Variants in ITGAV observed in about 807,000 individuals in gnomAD.
ITGAV encodes integrin subunit alpha V.
In ITGAV, 76 loss-of-function variants were observed where a neutral mutation model predicts 143.8. The observed-to-expected ratio is 0.53, with a 90% CI of 0.44 to 0.64. The LOEUF (loss-of-function observed/expected upper bound fraction) is 0.64, where lower values mean the gene tolerates loss of function less well. Ranked by LOEUF, ITGAV falls within the 30% of genes least tolerant of loss-of-function variation. The probability of loss-of-function intolerance (pLI) is 0.00; values close to 1 mark genes in which losing one functional copy is unlikely to be tolerated. For synonymous variants in ITGAV, 453 were observed against 446.7 expected (o/e 1.01, Z -0.18); for missense variants, 1,193 against 1,274.7 (o/e 0.94, Z 0.98).
chr2:186,676,011 C>T (rs954258603), intron 28 of ITGAV, 84 bp downstream of exon 28: 4 of 723,354 alleles, frequency 5.5e-6, no homozygotes, highest in East Asian at 5.3e-5. Context: ...TAAAGAACGA[C>T]AGCTTAACTT....
intron 2 of ITGAV, among the ~76,000 whole-genome samples, chr2:186,613,228 T>C (rs1439500563): frequency 1.3e-5 from 2 of 151,914 alleles, no homozygotes; most frequent in African/African-American, 2.4e-5. Context: ...TTCCTTTTCA[T>C]GGCTAGAAGG....
rs201122449 is a variant in ITGAV, at chr2:186,677,624, A to G, written c.*332A>G. 5.1e-6 allele frequency: 1 copy of G among 196,854 alleles called. No homozygotes were observed. Among genetic ancestry groups the G allele is most frequent in the Non-Finnish European group, 1.1e-5 (1 of 95,208 alleles). The allele number at this position is 196,854 out of a possible 1,614,324, so 12.2% of individuals were successfully genotyped here. ...TCCTTCAGTTACTGTTTCTGATTTAATGTACGGAACTTTATTTGTTGTTGT... is the reference window on the plus strand; with the variant it reads ...TCCTTCAGTTACTGTTTCTGATTTAGTGTACGGAACTTTATTTGTTGTTGT... On this transcript the variant is annotated 3_prime_UTR_variant, in exon 30 of 30. Transcript: ENST00000261023.
chr2:186,600,412 A>G, intron 1 of ITGAV: 2 of 1,537,750 alleles, frequency 1.3e-6, no homozygotes, highest in East Asian at 4.9e-5. Flanking sequence ...TTCTCTGTCT[A>G]CTTTATCTAA....
intron 2 of ITGAV, among the ~76,000 whole-genome samples, chr2:186,603,655 C>T (rs1686974950): frequency 6.6e-6 from 1 of 152,064 alleles, no homozygotes; most frequent in South Asian, 2.1e-4. Context: ...AAAAGGAAAC[C>T]ACAGTTTAGA....
intron 1 of ITGAV, among the ~76,000 whole-genome samples, chr2:186,591,229 G>A (rs769194768): frequency 2.0e-5 from 3 of 152,190 alleles, no homozygotes; most frequent in Non-Finnish European, 4.4e-5. Flanking sequence ...ACTCGCTGCA[G>A]GTCATTTGAA....
intron 25 of ITGAV, 36 bp from the exon 26 acceptor site, chr2:186,669,665 T>G: frequency 7.1e-7 from 1 of 1,405,428 alleles, no homozygotes; most frequent in Non-Finnish European, 1.0e-6. Flanking sequence ...TTTTTCATTA[T>G]CATTTACCAC....
At chr2:186,630,696 G>T in intron 4 of ITGAV, 101 bp from the exon 5 acceptor site, 2 of 655,306 alleles carry the variant, frequency 3.1e-6, no homozygotes, top group Middle Eastern at 3.3e-4. Flanking sequence ...CTCAAAAATT[G>T]GTACATTATC....
rs765571754 is a variant in ITGAV at position 186,602,114 on chromosome 2, T to C, written c.279T>C (p.Ser93=). 15 of 1,612,000 alleles carry C rather than the reference T, an allele frequency of 9.3e-6. No individual in the cohort carries two copies. Among genetic ancestry groups the C allele is most frequent in the Admixed American group, 3.3e-5 (2 of 59,960 alleles). ...GGQVLKCDWS[S]TRRCQPIEFD... is the part of the protein sequence containing the mutation. Reference sequence around the variant, plus strand: ...AGGTCCTCAAATGTGACTGGTCTTCTACCCGCCGGTGCCAGCCAATTGAAT... The same window carrying C: ...AGGTCCTCAAATGTGACTGGTCTTCCACCCGCCGGTGCCAGCCAATTGAAT... The change falls in exon 2 of 30, where the codon TCT becomes TCC. Residue 93 remains serine, a synonymous_variant. Coordinates refer to ENST00000261023, the MANE Select transcript of ITGAV (RefSeq NM_002210.5).
At chr2:186,616,954 A>G (rs576299452) in intron 2 of ITGAV, among the ~76,000 whole-genome samples, 4 of 152,198 alleles carry the variant, frequency 2.6e-5, no homozygotes, top group Admixed American at 2.6e-4. Flanking sequence ...TGTTTGAAGT[A>G]AAAAGCTGCT....
At chr2:186,671,375 C>T (rs761797856) in intron 26 of ITGAV, among the ~76,000 whole-genome samples, 3 of 152,094 alleles carry the variant, frequency 2.0e-5, no homozygotes, top group African/African-American at 4.8e-5. Flanking sequence ...TTTCATTGAA[C>T]AGATAGCCCC....
chr2:186,607,963 C>A (rs566287247), intron 2 of ITGAV, among the ~76,000 whole-genome samples: 1 of 152,018 alleles, frequency 6.6e-6, no homozygotes, highest in East Asian at 1.9e-4. Context: ...TGTTTTGTGG[C>A]GACTCTGGAA....
intron 17 of ITGAV, among the ~76,000 whole-genome samples, chr2:186,657,390 G>A (rs896742847): frequency 6.6e-6 from 1 of 152,066 alleles, no homozygotes; most frequent in Non-Finnish European, 1.5e-5. Context: ...ATTTCAAAAA[G>A]TAATTTTATA....
intron 12 of ITGAV, among the ~76,000 whole-genome samples, chr2:186,642,456 A>C (rs1448498673): frequency 6.6e-6 from 1 of 151,948 alleles, no homozygotes; most frequent in Non-Finnish European, 1.5e-5. Flanking sequence ...TCTTGTGGGT[A>C]GGTGCTGTCA....
At chr2:186,658,193 T>C (rs1688643407) in intron 17 of ITGAV, among the ~76,000 whole-genome samples, 1 of 152,128 alleles carries the variant, frequency 6.6e-6, no homozygotes, top group South Asian at 2.1e-4. Context: ...ACCACATGAA[T>C]AGATTAAAGA....
intron 1 of ITGAV, chr2:186,600,262 A>C (rs1469817153): frequency 2.2e-6 from 3 of 1,381,532 alleles, no homozygotes; most frequent in African/African-American, 2.9e-5. Flanking sequence ...CCTCTGCCTC[A>C]CATATTCCCT....
At chr2:186,650,542 A>C (rs527506302) in intron 14 of ITGAV, among the ~76,000 whole-genome samples, 11 of 151,464 alleles carry the variant, frequency 7.3e-5, no homozygotes, top group African/African-American at 2.4e-4. Context: ...AACTATAGTC[A>C]ATCTACGGTG....
intron 24 of ITGAV, 150 bp downstream of exon 24, chr2:186,667,926 C>G (rs905038302): frequency 9.1e-5 from 36 of 397,294 alleles, no homozygotes; most frequent in Non-Finnish European, 1.3e-4. Context: ...GAATATTTTC[C>G]CTATACATAA....
At chr2:186,641,302 A>G in intron 11 of ITGAV, 84 bp from the exon 12 acceptor site, 1 of 1,045,280 alleles carries the variant, frequency 9.6e-7, no homozygotes, top group Non-Finnish European at 1.5e-6. Context: ...CAGAAAGAGG[A>G]AAAGTGAGTT....
intron 1 of ITGAV, chr2:186,600,376 G>A: frequency 6.5e-7 from 1 of 1,528,124 alleles, no homozygotes; most frequent in East Asian, 2.5e-5. Context: ...ACATCTTAAT[G>A]TTGTGGTGAG....
Sources: gnomAD v4.1 joint callset for allele counts (sites outside exome capture counted in the v4.1 genomes callset) on GRCh38, gnomAD v4.1.1 for gene constraint, MANE v1.5 for transcripts, NCBI Gene and HGNC (gene_info 2026-07-23, HGNC 2026-07-21) for gene names.